The following ST18 variants were observed in gnomAD, a reference collection of about 807,000 sequenced individuals.
ST18 encodes the protein suppression of tumorigenicity 18 protein.
ST18 carries 50 observed loss-of-function variants against 110.0 expected under a neutral mutation model. The observed-to-expected ratio is 0.45, with a 90% CI of 0.36 to 0.58. The LOEUF is 0.58. Ranked by LOEUF, ST18 falls within the 20% of genes least tolerant of loss-of-function variation. The pLI is 0.00. For missense variants in ST18, 1,306 were observed against 1,280.1 expected (o/e 1.02, Z -0.31); for synonymous variants, 461 against 452.4 (o/e 1.02, Z -0.24).
At chr8:52,305,362 T>C (rs1270308135) in intron 2 of ST18, among the ~76,000 whole-genome samples, 4 of 152,240 alleles carry the variant, frequency 2.6e-5, no homozygotes, top group Admixed American at 2.6e-4. Context: ...GTGCAGTGCA[T>C]GAGTACTAAG....
chr8:52,206,585 C>T (rs907983087), intron 8 of ST18: 2 of 152,230 alleles, frequency 1.3e-5, no homozygotes, highest in African/African-American at 2.4e-5. Context: ...GTGGCTGAAC[C>T]CTACAGATGC....
At chr8:52,334,992 C>A (rs1011175053) in intron 2 of ST18, among the ~76,000 whole-genome samples, 1 of 152,110 alleles carries the variant, frequency 6.6e-6, no homozygotes, top group Non-Finnish European at 1.5e-5. Flanking sequence ...GAAAAAATAA[C>A]AAAATTATAG....
chr8:52,144,998 G>A (rs2056734665), intron 16 of ST18, among the ~76,000 whole-genome samples: 1 of 150,876 alleles, frequency 6.6e-6, no homozygotes, highest in African/African-American at 2.4e-5. Flanking sequence ...AGATACAATT[G>A]CTAAATCTGA....
chr8:52,255,987 TTC>T (rs2094516058), intron 2 of ST18, among the ~76,000 whole-genome samples: 1 of 152,182 alleles, frequency 6.6e-6, no homozygotes, highest in Non-Finnish European at 1.5e-5. Flanking sequence ...GGCCCCAGCT[TTC>T]TTTCCCTGGA....
Position 52,112,948 on chromosome 8 carries a change from G to T in ST18, c.*250C>A. On this transcript the variant is annotated 3_prime_UTR_variant, in exon 26 of 26. Coordinates refer to ENST00000689386, the MANE Select transcript of ST18 (RefSeq NM_001352837.2). ...TTTACAAAAAAAAAAAGAGTACAAT[G>T]AAGAAATAAAAGAAAAACATATGAA... 1 of 308,648 alleles carries T rather than the reference G, an allele frequency of 3.2e-6. No individual in the cohort carries two copies. Among genetic ancestry groups the T allele is most frequent in the Non-Finnish European group, 5.8e-6 (1 of 171,476 alleles). The allele number at this position is 308,648 out of a possible 1,614,324, so 19.1% of individuals were successfully genotyped here.
intron 8 of ST18, among the ~76,000 whole-genome samples, chr8:52,207,911 G>C (rs918514744): frequency 3.2e-4 from 49 of 152,232 alleles, no homozygotes; most frequent in African/African-American, 1.1e-3. Context: ...TTCAGACTAA[G>C]GATAATAGTA....
intron 2 of ST18, chr8:52,393,579 A>T (rs922411652): frequency 5.3e-5 from 8 of 152,136 alleles, no homozygotes; most frequent in African/African-American, 1.9e-4. Flanking sequence ...TATTTACGGG[A>T]AATGAAAAAA....
intron 2 of ST18, among the ~76,000 whole-genome samples, chr8:52,236,788 T>C (rs2092745133): frequency 2.0e-5 from 3 of 152,212 alleles, no homozygotes; most frequent in South Asian, 2.1e-4. Context: ...GGATAGACCA[T>C]TGGAACACCA....
At chr8:52,380,533 G>A (rs75487668) in intron 2 of ST18, among the ~76,000 whole-genome samples, 2,275 of 152,150 alleles carry the variant, frequency 0.015, 59 homozygotes, top group African/African-American at 0.053. Flanking sequence ...TTGATCCACA[G>A]AGAAAGAACA....
intron 8 of ST18, among the ~76,000 whole-genome samples, chr8:52,180,748 C>G (rs2069120503): frequency 6.6e-6 from 1 of 152,172 alleles, no homozygotes; most frequent in Non-Finnish European, 1.5e-5. Context: ...TTATCTCTGC[C>G]ACAGTTGTGG....
chr8:52,121,175 G>A (rs115969018), intron 23 of ST18, among the ~76,000 whole-genome samples: 4,004 of 152,284 alleles, frequency 0.026, 178 homozygotes, highest in African/African-American at 0.089. Context: ...CAATGTTCCT[G>A]AAGACACCCC....
intron 17 of ST18, among the ~76,000 whole-genome samples, chr8:52,142,005 G>T (rs115724997): frequency 0.012 from 1,847 of 152,288 alleles, 50 homozygotes; most frequent in African/African-American, 0.043. Flanking sequence ...GTCCAGAGGT[G>T]AGGCATCCTA....
chr8:52,296,161 T>A (rs1334085771), intron 2 of ST18, among the ~76,000 whole-genome samples: 3 of 152,112 alleles, frequency 2.0e-5, no homozygotes, highest in Admixed American at 2.0e-4. Context: ...GGAAGGAGAA[T>A]TTTCAATTGC....
chr8:52,372,658 T>G (rs1030071452), intron 2 of ST18, among the ~76,000 whole-genome samples: 1 of 152,342 alleles, frequency 6.6e-6, no homozygotes, highest in Middle Eastern at 3.4e-3. Context: ...ATAGTTACCA[T>G]TGGGTTCCAA....
intron 2 of ST18, among the ~76,000 whole-genome samples, chr8:52,292,991 C>T (rs2095578911): frequency 6.6e-6 from 1 of 152,202 alleles, no homozygotes. Flanking sequence ...ATGGCCTCAG[C>T]TTTGTCTATA....
chr8:52,350,555 T>C (rs1438528465), intron 2 of ST18, among the ~76,000 whole-genome samples: 7 of 152,112 alleles, frequency 4.6e-5, no homozygotes, highest in East Asian at 1.9e-4. Context: ...AACCAAACAA[T>C]CCTTTTCTAA....
intron 17 of ST18, among the ~76,000 whole-genome samples, chr8:52,140,179 A>G (rs2054367177): frequency 6.6e-6 from 1 of 152,206 alleles, no homozygotes; most frequent in South Asian, 2.1e-4. Context: ...AGACAAATAT[A>G]CCAACTCAGA....
intron 2 of ST18, among the ~76,000 whole-genome samples, chr8:52,395,238 G>A (rs1236770755): frequency 1.3e-5 from 2 of 152,212 alleles, no homozygotes; most frequent in African/African-American, 4.8e-5. Flanking sequence ...AGACAGATGT[G>A]TGAGCAAAAG....
At chr8:52,190,650 G>T (rs947429334) in intron 8 of ST18, among the ~76,000 whole-genome samples, 2 of 152,154 alleles carry the variant, frequency 1.3e-5, no homozygotes, top group Non-Finnish European at 2.9e-5. Flanking sequence ...CTAATGATGA[G>T]ATCATGCAGA....
Sources: allele counts gnomAD v4.1 joint callset (sites outside exome capture counted in the v4.1 genomes callset), GRCh38; gene constraint gnomAD v4.1.1; transcripts MANE v1.5; gene names NCBI Gene and HGNC (gene_info 2026-07-23, HGNC 2026-07-21).